Variants in ATXN1 observed in about 807,000 individuals in gnomAD.
ATXN1 encodes ataxin-1.
ATXN1 carries 8 observed loss-of-function variants against 56.4 expected under a neutral mutation model. The observed-to-expected ratio is 0.14, with a 90% CI of 0.08 to 0.26. ATXN1 has a LOEUF of 0.26. ATXN1 is among the 10% of genes least tolerant of loss of function. The probability of loss-of-function intolerance (pLI) is 1.00; values close to 1 mark genes in which losing one functional copy is unlikely to be tolerated. For synonymous variants in ATXN1, 514 were observed against 494.6 expected, an observed-to-expected ratio of 1.04 and a Z score of -0.52; for missense variants, 987 against 1,106.5, an observed-to-expected ratio of 0.89 and a Z score of 1.53.
intron 2 of ATXN1, among the ~76,000 whole-genome samples, chr6:16,659,543 T>C (rs1228978064): frequency 6.6e-6 from 1 of 152,212 alleles, no homozygotes; most frequent in East Asian, 1.9e-4. Context: ...GTCCTTGACG[T>C]TTCATTCCAA....
chr6:16,686,940 G>A (rs1758930957), intron 2 of ATXN1, among the ~76,000 whole-genome samples: 1 of 152,152 alleles, frequency 6.6e-6, no homozygotes, highest in Non-Finnish European at 1.5e-5. Flanking sequence ...AAATGTGCAT[G>A]GGGCTGTAAT....
chr6:16,759,908 C>T (rs1157201408), intron 1 of ATXN1, among the ~76,000 whole-genome samples: 1 of 152,120 alleles, frequency 6.6e-6, no homozygotes. Flanking sequence ...GGGGTCGGGG[C>T]GCTGCAGAGT....
intron 6 of ATXN1, among the ~76,000 whole-genome samples, chr6:16,357,589 C>G (rs1221957087): frequency 2.0e-5 from 3 of 152,174 alleles, no homozygotes; most frequent in Non-Finnish European, 4.4e-5. Context: ...TAATTAAATG[C>G]TTAACCGAGT....
intron 5 of ATXN1, among the ~76,000 whole-genome samples, chr6:16,505,282 T>C (rs1468283734): frequency 6.6e-6 from 1 of 152,142 alleles, no homozygotes; most frequent in Non-Finnish European, 1.5e-5. Flanking sequence ...TTACCATGTG[T>C]TGAATTTAAC....
In ATXN1 at chr6:16,402,921, A is replaced by C. The variant is rs533096491; in HGVS notation, c.-160-74451T>G. Among the ~76,000 whole-genome samples, 99 of 152,326 alleles carry C rather than the reference A, an allele frequency of 6.5e-4. 1 individual carries two copies. The highest frequency in any genetic ancestry group is 2.3e-3 in the African/African-American group (96 of 41,566). On this transcript the variant is annotated intron_variant, in intron 6 of 7. Coordinates refer to ENST00000436367, the MANE Select transcript of ATXN1 (RefSeq NM_001128164.2). ...TATCTTAACTCCACAGAAAAAATTC[A>C]CGAACTCCAAAACCTTCCTCTTGAC...
At chr6:16,405,640 C>T in intron 6 of ATXN1, among the ~76,000 whole-genome samples, 1 of 152,222 alleles carries the variant, frequency 6.6e-6, no homozygotes, top group East Asian at 1.9e-4. Flanking sequence ...TGCAAGCACT[C>T]TGGCGGCCGA....
Position 16,760,826 on chromosome 6 carries a change from C to G in ATXN1, c.-730+472G>C, listed in dbSNP as rs890790445. Reference sequence around the variant, plus strand: ...CACCCCCCAACCCCAGCCGCCGCCTCCCCCCTGCGCCACCCGGAGGGAGGA... The same window carrying G: ...CACCCCCCAACCCCAGCCGCCGCCTGCCCCCTGCGCCACCCGGAGGGAGGA... On this transcript the variant is annotated intron_variant, in intron 1 of 7. Coordinates refer to ENST00000436367, the MANE Select transcript of ATXN1 (RefSeq NM_001128164.2). This position sits in a 1 kb window ranked among gnomAD's most constrained non-coding sequence, Gnocchi z 5.3. 6.6e-6 allele frequency among the ~76,000 whole-genome samples: 1 copy of G among 150,902 alleles called. No homozygotes were observed. Among genetic ancestry groups the G allele is most frequent in the Admixed American group, 6.6e-5 (1 of 15,194 alleles).
At chr6:16,564,496 T>TG (rs1762178148) in intron 4 of ATXN1, among the ~76,000 whole-genome samples, 1 of 152,208 alleles carries the variant, frequency 6.6e-6, no homozygotes, top group Admixed American at 6.5e-5. Context: ...AAATAAGGTA[T>TG]AGCCATACAA....
intron 3 of ATXN1, among the ~76,000 whole-genome samples, chr6:16,621,033 T>C (rs1453683187): frequency 6.6e-6 from 1 of 152,250 alleles, no homozygotes; most frequent in African/African-American, 2.4e-5. Context: ...AAATAAAGCA[T>C]TCCTGGCATC....
At chr6:16,619,990 G>A (rs1763289081) in intron 3 of ATXN1, among the ~76,000 whole-genome samples, 1 of 152,074 alleles carries the variant, frequency 6.6e-6, no homozygotes, top group South Asian at 2.1e-4. Context: ...TGTCAAATGG[G>A]GCTAATAACA....
intron 5 of ATXN1, among the ~76,000 whole-genome samples, chr6:16,516,998 CCCACTAGGA>C (rs1199625846): frequency 2.6e-5 from 4 of 152,210 alleles, no homozygotes; most frequent in Non-Finnish European, 4.4e-5. Flanking sequence ...TTGATATTTT[CCCACTAGGA>C]AATAATTCCC....
intron 4 of ATXN1, among the ~76,000 whole-genome samples, chr6:16,566,712 C>T (rs145151086): frequency 5.3e-5 from 8 of 151,898 alleles, no homozygotes; most frequent in South Asian, 2.1e-4. Context: ...AAAAATTAGC[C>T]GGGCATGGTG....
intron 6 of ATXN1, among the ~76,000 whole-genome samples, chr6:16,336,345 T>C (rs1761122520): frequency 6.6e-6 from 1 of 152,180 alleles, no homozygotes; most frequent in African/African-American, 2.4e-5. Flanking sequence ...CAGGGATAAG[T>C]AGGGGAAAAG....
At chr6:16,654,803 A>G (rs1259219344) in intron 3 of ATXN1, among the ~76,000 whole-genome samples, 1 of 152,220 alleles carries the variant, frequency 6.6e-6, no homozygotes, top group Admixed American at 6.5e-5. Flanking sequence ...TATGTTGATT[A>G]CAGGAAGGAT....
intron 6 of ATXN1, among the ~76,000 whole-genome samples, chr6:16,397,965 C>T (rs970475732): frequency 3.3e-5 from 5 of 152,234 alleles, no homozygotes; most frequent in Non-Finnish European, 7.3e-5. Context: ...ATTAGGTGAT[C>T]TGTCCAAGGC....
At chr6:16,715,285 A>G (rs139089995) in intron 2 of ATXN1, among the ~76,000 whole-genome samples, 1 of 152,354 alleles carries the variant, frequency 6.6e-6, no homozygotes, top group East Asian at 1.9e-4. Flanking sequence ...CTTAAGAGAC[A>G]GAGGCTATTA....
chr6:16,750,294 A>G (rs1760670965), intron 2 of ATXN1, among the ~76,000 whole-genome samples: 1 of 152,240 alleles, frequency 6.6e-6, no homozygotes, highest in Non-Finnish European at 1.5e-5. Context: ...AGTTTTAAAA[A>G]AATTCACAAT....
intron 5 of ATXN1, among the ~76,000 whole-genome samples, chr6:16,496,424 G>A (rs1162528477): frequency 1.3e-5 from 2 of 152,164 alleles, no homozygotes; most frequent in Admixed American, 6.5e-5. Context: ...TATGAATGTG[G>A]CGCTGAAGAT....
intron 2 of ATXN1, among the ~76,000 whole-genome samples, chr6:16,684,710 C>T (rs559357973): frequency 2.2e-4 from 33 of 152,286 alleles, no homozygotes; most frequent in South Asian, 6.2e-4. Flanking sequence ...TTCAGTAAAA[C>T]CTCAATCATT....
Sources: gnomAD v4.1 joint callset for allele counts (sites outside exome capture counted in the v4.1 genomes callset) on GRCh38, gnomAD v4.1.1 for gene constraint, Gnocchi (gnomAD v3.1) non-coding constraint, MANE v1.5 for transcripts, NCBI Gene and HGNC (gene_info 2026-07-23, HGNC 2026-07-21) for gene names.